Variants in SCN3A observed in about 807,000 individuals in gnomAD.
The protein encoded by SCN3A is sodium voltage-gated channel alpha subunit 3.
Under a neutral mutation model 187.6 loss-of-function variants are expected in SCN3A, and 60 were observed. The ratio of observed to expected loss-of-function variants is 0.32; its 90% CI spans 0.26 to 0.40. The LOEUF (loss-of-function observed/expected upper bound fraction) is 0.40, where lower values mean the gene tolerates loss of function less well. Among genes scored for constraint, SCN3A ranks in the 10% least tolerant of loss-of-function variants. The pLI is 1.00. For synonymous variants in SCN3A, 788 were observed against 829.2 expected, an observed-to-expected ratio of 0.95 and a Z score of 0.85; for missense variants, 1,601 against 2,428.2, an observed-to-expected ratio of 0.66 and a Z score of 7.16.
At chr2:165,201,169 C>T (rs1042035863) in intron 1 of SCN3A, among the ~76,000 whole-genome samples, 2 of 151,936 alleles carry the variant, frequency 1.3e-5, no homozygotes, top group African/African-American at 4.8e-5. Context: ...TTTTGAAGTC[C>T]GTGATAACAT....
intron 2 of SCN3A, among the ~76,000 whole-genome samples, chr2:165,178,338 C>T (rs1483138621): frequency 1.3e-5 from 2 of 152,172 alleles, no homozygotes; most frequent in East Asian, 3.9e-4. Context: ...GTGATCCTCC[C>T]ACCTCAGCCT....
At chr2:165,200,386 AC>A (rs752818302) in intron 1 of SCN3A, among the ~76,000 whole-genome samples, 23 of 152,096 alleles carry the variant, frequency 1.5e-4, no homozygotes, top group Non-Finnish European at 2.5e-4. Context: ...AGTAATCTTC[AC>A]AGCTACCTAT....
intron 5 of SCN3A, among the ~76,000 whole-genome samples, chr2:165,168,351 A>G (rs1003576401): frequency 1.3e-5 from 2 of 152,084 alleles, no homozygotes; most frequent in South Asian, 2.1e-4. Flanking sequence ...ACCTAAATCT[A>G]TTCTATTCGA....
intron 18 of SCN3A, among the ~76,000 whole-genome samples, chr2:165,117,017 C>T (rs1043722153): frequency 7.0e-6 from 1 of 141,952 alleles, no homozygotes; most frequent in African/African-American, 2.6e-5. Flanking sequence ...AAGACATCTT[C>T]TCCTCTCCTA....
At position 165,088,160 on chromosome 2, in the gene SCN3A, ATTC is replaced by A. The variant is rs770793242; in HGVS notation, c.*1987_*1989del. The stretch of plus-strand genomic sequence containing the variant: ...TGAAATGCAATAAAAAATGAAATTT[ATTC>A]TTTTGGCTCAATAATGACGTAGCTC... On this transcript the variant is annotated 3_prime_UTR_variant, in exon 28 of 28. Transcript: ENST00000283254. 3.3e-5 allele frequency: 5 copies of A among 152,594 alleles called. No individual in the cohort carries two copies. The highest frequency in any genetic ancestry group is 7.4e-5 in the Non-Finnish European group (5 of 67,972). The allele number at this position is 152,594 out of a possible 1,614,324, so 9.5% of individuals were successfully genotyped here.
chr2:165,156,063 A>T (rs939477204), intron 9 of SCN3A, among the ~76,000 whole-genome samples, 160 bp from the exon 10 acceptor site: 14 of 152,196 alleles, frequency 9.2e-5, no homozygotes, highest in African/African-American at 3.4e-4. Context: ...CGTGAAACTT[A>T]TCAGATGAAA....
At chr2:165,131,961 A>T (rs1480506333) in intron 15 of SCN3A, among the ~76,000 whole-genome samples, 1 of 151,962 alleles carries the variant, frequency 6.6e-6, no homozygotes, top group Admixed American at 6.6e-5. Flanking sequence ...ATAGTATTCC[A>T]TGGTGTATAT....
At chr2:165,154,413 T>C (rs753418260) in intron 11 of SCN3A, 39 bp downstream of exon 11, 2 of 1,600,512 alleles carry the variant, frequency 1.2e-6, no homozygotes, top group African/African-American at 1.3e-5. Flanking sequence ...TAGAAACTAA[T>C]AATAATAATG....
chr2:165,180,782 A>G (rs1025040185), intron 2 of SCN3A, among the ~76,000 whole-genome samples: 3 of 152,150 alleles, frequency 2.0e-5, no homozygotes, highest in Non-Finnish European at 4.4e-5. Flanking sequence ...GTTATGATCA[A>G]TGTGAAGATT....
chr2:165,160,274 G>A (rs191617775), intron 9 of SCN3A, among the ~76,000 whole-genome samples: 1 of 152,110 alleles, frequency 6.6e-6, no homozygotes, highest in Non-Finnish European at 1.5e-5. Flanking sequence ...ATGGTGACTT[G>A]TACAATTATT....
chr2:165,113,184 A>G, intron 20 of SCN3A, 126 bp from the exon 21 acceptor site: 1 of 729,018 alleles, frequency 1.4e-6, no homozygotes, highest in East Asian at 2.6e-5. Flanking sequence ...ATAAACATTG[A>G]ACATCAGACA....
intron 21 of SCN3A, among the ~76,000 whole-genome samples, chr2:165,110,774 T>C (rs1449882835): frequency 6.6e-6 from 1 of 152,162 alleles, no homozygotes; most frequent in East Asian, 1.9e-4. Context: ...AGTACCCAGT[T>C]CCAATCTGCT....
rs1690331921 is a variant in SCN3A at position 165,174,603 on chromosome 2, A to T, written c.264+1528T>A. On this transcript the variant is annotated intron_variant, in intron 3 of 27. Coordinates refer to ENST00000283254, the MANE Select transcript of SCN3A (RefSeq NM_006922.4). Reference sequence around the variant, plus strand: ...CACTTCCTTTCTTTAAGTAGCAAATACTTTTAATCATAGCAGAGTAAATCA... The same window carrying T: ...CACTTCCTTTCTTTAAGTAGCAAATTCTTTTAATCATAGCAGAGTAAATCA... Among the ~76,000 whole-genome samples the T allele has an allele frequency of 2.0e-5, 3 of 152,176 alleles. No individual in the cohort carries two copies. The South Asian group carries it at 6.2e-4, about 32-fold the overall frequency.
intron 2 of SCN3A, among the ~76,000 whole-genome samples, chr2:165,176,960 A>G (rs1053743783): frequency 6.6e-6 from 1 of 152,176 alleles, no homozygotes; most frequent in Admixed American, 6.5e-5. Context: ...CCTGACTCAT[A>G]CAAATGAGGA....
At chr2:165,161,277 C>T (rs898187042) in intron 9 of SCN3A, among the ~76,000 whole-genome samples, 2 of 150,936 alleles carry the variant, frequency 1.3e-5, no homozygotes, top group African/African-American at 2.4e-5. Context: ...TTAATCATCA[C>T]AACTATTAAA....
At position 165,090,007 on chromosome 2, in the gene SCN3A, A is replaced by G. The variant is rs2105614287; in HGVS notation, c.*143T>C. 8.8e-7 allele frequency: 1 copy of G among 1,138,122 alleles called. No individual in the cohort carries two copies. The allele number at this position is 1,138,122 out of a possible 1,614,324, so 70.5% of individuals were successfully genotyped here. A position where few individuals can be genotyped will look rare whatever the true frequency, so the allele number is the denominator to read the frequency against. ...GTTGCAGTGACAGAGAGGTCACTTC[A>G]CTGTCTTGTATAGGCACTGACTATG... On this transcript the variant is annotated 3_prime_UTR_variant, in exon 28 of 28. Transcript: ENST00000283254. This position sits in a 1 kb window ranked among gnomAD's most constrained non-coding sequence, Gnocchi z 4.0.
At chr2:165,118,682 A>G (rs1433548551) in intron 18 of SCN3A, among the ~76,000 whole-genome samples, 1 of 151,976 alleles carries the variant, frequency 6.6e-6, no homozygotes, top group Non-Finnish European at 1.5e-5. Flanking sequence ...AACATCCCAG[A>G]CGCAACTGAT....
intron 21 of SCN3A, among the ~76,000 whole-genome samples, chr2:165,111,296 T>C (rs1229026066): frequency 6.6e-6 from 1 of 152,052 alleles, no homozygotes. Context: ...GATCGCACCA[T>C]TGCACTCCAG....
At chr2:165,126,504 T>G (rs1007992415) in intron 18 of SCN3A, among the ~76,000 whole-genome samples, 1 of 105,766 alleles carries the variant, frequency 9.5e-6, no homozygotes, top group Admixed American at 8.0e-5. Flanking sequence ...CTTTCTTTCC[T>G]TCTTTTTTTC....
Sources: allele counts gnomAD v4.1 joint callset (sites outside exome capture counted in the v4.1 genomes callset), GRCh38; gene constraint gnomAD v4.1.1; non-coding constraint Gnocchi (gnomAD v3.1); transcripts MANE v1.5; gene names NCBI Gene and HGNC (gene_info 2026-07-23, HGNC 2026-07-21).